Variants in UPRT observed in about 807,000 individuals in gnomAD.
UPRT encodes the protein uracil phosphoribosyltransferase homolog.
Under a neutral mutation model 22.6 loss-of-function variants are expected in UPRT, and 5 were observed. The observed-to-expected ratio is 0.22, with a 90% CI of 0.12 to 0.47. The LOEUF (loss-of-function observed/expected upper bound fraction) is 0.47. UPRT is among the 20% of genes least tolerant of loss of function. The pLI, the probability that UPRT is intolerant of heterozygous loss-of-function variation, is 0.99. For synonymous variants in UPRT, 77 were observed against 87.7 expected (o/e 0.88, Z 0.68); for missense variants, 181 against 239.9 (o/e 0.75, Z 1.62).
chrX:75,209,197 G>A (rs2082373995), intron 4 of UPRT, among the ~76,000 whole-genome samples: 1 of 110,417 alleles, frequency 9.1e-6, no homozygotes, highest in Non-Finnish European at 1.9e-5. Flanking sequence ...CGAGTAACTA[G>A]CCCCCATATC....
At chrX:75,227,529 A>T (rs761769492) in intron 4 of UPRT, among the ~76,000 whole-genome samples, 6 of 111,909 alleles carry the variant, frequency 5.4e-5, no homozygotes, top group African/African-American at 1.6e-4. Flanking sequence ...AGAGGGGAAA[A>T]ACTTGCCGAA....
At chrX:75,160,717 A>T (rs1382145794) in intron 2 of UPRT, among the ~76,000 whole-genome samples, 1 of 111,199 alleles carries the variant, frequency 9.0e-6, no homozygotes, top group African/African-American at 3.3e-5. Flanking sequence ...TTTTTTAAAG[A>T]TGGGGTTCGC....
intron 4 of UPRT, among the ~76,000 whole-genome samples, chrX:75,204,765 G>A (rs1405894175): frequency 1.8e-5 from 2 of 111,669 alleles, no homozygotes; most frequent in Non-Finnish European, 3.8e-5. Context: ...TTGGCTACAC[G>A]GAGAGCTGCG....
At chrX:75,161,303 A>T (rs977334428) in intron 2 of UPRT, among the ~76,000 whole-genome samples, 2 of 113,020 alleles carry the variant, frequency 1.8e-5, no homozygotes, top group African/African-American at 3.2e-5. Context: ...GGTAGAGATG[A>T]TATCCAAATC....
intron 4 of UPRT, among the ~76,000 whole-genome samples, chrX:75,179,648 C>T (rs1265296105): frequency 8.8e-6 from 1 of 113,350 alleles, no homozygotes; most frequent in Non-Finnish European, 1.9e-5. Flanking sequence ...GACTGCAGGT[C>T]CTGAGCCCTG....
At chrX:75,220,413 A>G (rs5981815) in intron 4 of UPRT, among the ~76,000 whole-genome samples, 1,483 of 111,335 alleles carry the variant, frequency 0.013, 17 homozygotes, top group African/African-American at 0.046. Flanking sequence ...CAATGTTATT[A>G]TCGATAAATA....
intron 3 of UPRT, 148 bp downstream of exon 3, chrX:75,296,559 C>G: frequency 2.0e-6 from 1 of 495,923 alleles, no homozygotes; most frequent in East Asian, 3.7e-5. Context: ...AAATAAAACT[C>G]AGGCATTTAG....
intron 4 of UPRT, among the ~76,000 whole-genome samples, chrX:75,185,833 T>G (rs892536028): frequency 8.9e-6 from 1 of 111,756 alleles, no homozygotes; most frequent in African/African-American, 3.2e-5. Flanking sequence ...TATTCTCTGA[T>G]GGTAGTTTGT....
At chrX:75,214,893 A>G (rs1402747694) in intron 4 of UPRT, among the ~76,000 whole-genome samples, 1 of 110,687 alleles carries the variant, frequency 9.0e-6, no homozygotes, top group African/African-American at 3.3e-5. Context: ...AGCCTGGGTG[A>G]AAGAGTAAGG....
At chrX:75,302,667 T>C (rs1030704675) in intron 6 of UPRT, among the ~76,000 whole-genome samples, 3 of 111,669 alleles carry the variant, frequency 2.7e-5, no homozygotes, top group Non-Finnish European at 5.6e-5. Flanking sequence ...CATTTCCTTA[T>C]TGTGAGTTAT....
intron 4 of UPRT, among the ~76,000 whole-genome samples, chrX:75,254,930 C>T (rs1324773564): frequency 2.7e-5 from 3 of 109,832 alleles, no homozygotes; most frequent in Non-Finnish European, 3.8e-5. Flanking sequence ...CGCCCGCCAC[C>T]GCACCCGGCT....
intron 4 of UPRT, among the ~76,000 whole-genome samples, chrX:75,194,869 G>A (rs1419583918): frequency 9.0e-6 from 1 of 110,820 alleles, no homozygotes; most frequent in East Asian, 2.9e-4. Flanking sequence ...TGCATGCCTA[G>A]TTTTGTGCAA....
chrX:75,173,496 T>C (rs1391430783), intron 4 of UPRT, among the ~76,000 whole-genome samples: 4 of 112,478 alleles, frequency 3.6e-5, no homozygotes, highest in African/African-American at 1.3e-4. Flanking sequence ...ATAAAGACTC[T>C]CCACGTCCCC....
exon 2 of UPRT, among the ~76,000 whole-genome samples, chrX:75,160,609 G>T (rs1239885912): frequency 8.9e-6 from 1 of 111,802 alleles, no homozygotes; most frequent in Non-Finnish European, 1.9e-5. Context: ...ACAGCTTACT[G>T]CAGCCTCAAG....
Position 75,180,398 on chromosome X carries a change from A to G in UPRT, c.-447+12519A>G, listed in dbSNP as rs142169388. Among the ~76,000 whole-genome samples, 338 of 111,572 alleles carry G rather than the reference A, an allele frequency of 3.0e-3. 1 individual carries two copies. Among genetic ancestry groups the G allele is most frequent in the African/African-American group, 0.01 (308 of 30,705 alleles). The stretch of plus-strand genomic sequence containing the variant: ...CTCAAGTCATTCTCCCATGATCTAG[A>G]CCTTCAGGTTCCCCAGTGAAGGTGT... On this transcript the variant is annotated intron_variant, in intron 4 of 13. Transcript: ENST00000652605.
At chrX:75,245,757 C>T (rs1028220430) in intron 4 of UPRT, among the ~76,000 whole-genome samples, 18 of 111,023 alleles carry the variant, frequency 1.6e-4, no homozygotes, top group Admixed American at 3.9e-4. Flanking sequence ...CATATAGACA[C>T]GAAGAGGAAA....
At chrX:75,220,717 A>G (rs2082407231) in intron 4 of UPRT, among the ~76,000 whole-genome samples, 2 of 111,956 alleles carry the variant, frequency 1.8e-5, no homozygotes, top group Non-Finnish European at 3.8e-5. Context: ...TCTACATGTT[A>G]ACTTCAACCC....
intron 4 of UPRT, among the ~76,000 whole-genome samples, chrX:75,256,236 A>C (rs1057121385): frequency 8.9e-6 from 1 of 112,039 alleles, no homozygotes; most frequent in African/African-American, 3.2e-5. Flanking sequence ...CAAATACATG[A>C]AAATTAAATA....
At chrX:75,276,228 T>A (rs1359762068) in intron 1 of UPRT, among the ~76,000 whole-genome samples, 1 of 112,002 alleles carries the variant, frequency 8.9e-6, no homozygotes, top group Non-Finnish European at 1.9e-5. Context: ...GTCTTTTTAA[T>A]GCAAGATTCA....
Sources: gnomAD v4.1 joint callset for allele counts (sites outside exome capture counted in the v4.1 genomes callset) on GRCh38, gnomAD v4.1.1 for gene constraint, MANE v1.5 for transcripts, NCBI Gene and HGNC (gene_info 2026-07-23, HGNC 2026-07-21) for gene names.